Variants in TMOD1 observed in about 807,000 individuals in gnomAD.
TMOD1 encodes tropomodulin 1.
TMOD1 carries 17 observed loss-of-function variants against 40.6 expected under a neutral mutation model. That is an observed-to-expected ratio of 0.42 (90% confidence interval 0.29 to 0.63). The LOEUF (loss-of-function observed/expected upper bound fraction) is 0.63. Among genes scored for constraint, TMOD1 ranks in the 20% least tolerant of loss-of-function variants. The pLI is 0.22. For missense variants in TMOD1, 391 were observed against 447.6 expected (o/e 0.87, Z 1.14); for synonymous variants, 181 against 175.0 (o/e 1.03, Z -0.27).
chr9:97,563,928 G>C, intron 5 of TMOD1, 110 bp from the exon 6 acceptor site: 14 of 1,311,374 alleles, frequency 1.1e-5, no homozygotes, highest in Non-Finnish European at 1.1e-5. Context: ...GTGATGTGCA[G>C]CCCTCACGTG....
intron 8 of TMOD1, among the ~76,000 whole-genome samples, chr9:97,578,285 C>T (rs994143437): frequency 2.0e-5 from 3 of 152,178 alleles, no homozygotes; most frequent in Non-Finnish European, 4.4e-5. Flanking sequence ...GATCTCCTGA[C>T]CTCGTGATCC....
At chr9:97,528,665 A>G (rs1199274230) in intron 2 of TMOD1, among the ~76,000 whole-genome samples, 1 of 152,178 alleles carries the variant, frequency 6.6e-6, no homozygotes, top group Non-Finnish European at 1.5e-5. Context: ...CAGCACAGGG[A>G]GAGGCCAAAG....
chr9:97,554,173 T>G (rs750811744), intron 4 of TMOD1, among the ~76,000 whole-genome samples: 72 of 87,394 alleles, frequency 8.2e-4, no homozygotes, highest in Non-Finnish European at 1.2e-3. Context: ...ATAGCCCAGG[T>G]GATGGCAGGA....
intron 4 of TMOD1, among the ~76,000 whole-genome samples, chr9:97,559,016 C>T (rs1300380544): frequency 6.6e-6 from 1 of 152,214 alleles, no homozygotes; most frequent in African/African-American, 2.4e-5. Context: ...TAGACCATCA[C>T]AGGAAGCTGG....
rs1830774794 is a variant in TMOD1 at position 97,568,884 on chromosome 9, G to A, written c.727-10G>A. On this transcript the variant is annotated splice_polypyrimidine_tract_variant and intron_variant, in intron 7 of 9. Transcript: ENST00000259365. Reference sequence around the variant, plus strand: ...CTCATGGGTATCCTTGCTTTCTCTTGTGCTTCAAGGCCCTTGCTGAGATGC... The same window carrying A: ...CTCATGGGTATCCTTGCTTTCTCTTATGCTTCAAGGCCCTTGCTGAGATGC... The A allele has an allele frequency of 6.2e-7, 1 of 1,613,186 alleles. No individual in the cohort carries two copies. Among genetic ancestry groups the A allele is most frequent in the Non-Finnish European group, 8.5e-7 (1 of 1,179,214 alleles).
intron 1 of TMOD1, among the ~76,000 whole-genome samples, chr9:97,509,850 A>G (rs916997680): frequency 6.6e-6 from 1 of 151,834 alleles, no homozygotes; most frequent in Non-Finnish European, 1.5e-5. Context: ...TCCTTCCACA[A>G]TTTGCTTTTT....
chr9:97,562,792 G>T lies in TMOD1; in HGVS notation c.458G>T (p.Ser153Ile). The change falls in exon 5 of 10, where the codon AGC becomes ATC. Residue 153 changes from serine to isoleucine, a missense_variant. Coordinates refer to ENST00000259365, the MANE Select transcript of TMOD1 (RefSeq NM_003275.4). ...NQQYYQALSS[S>I]SIMNKEGLNS... ...CAGTACTACCAGGCCCTGAGCAGCA[G>T]CTCCATCATGAACAAGGAGGGGCTC... 6.3e-7 allele frequency: 1 copy of T among 1,585,886 alleles called. No homozygotes were observed. The highest frequency in any genetic ancestry group is 8.5e-7 in the Non-Finnish European group (1 of 1,169,626).
intron 1 of TMOD1, among the ~76,000 whole-genome samples, chr9:97,506,121 C>T (rs553722191): frequency 1.1e-4 from 17 of 152,168 alleles, no homozygotes; most frequent in African/African-American, 2.7e-4. Flanking sequence ...GCTGTTCTTT[C>T]GGCCTTCAGT....
chr9:97,561,335 G>A lies in TMOD1; in HGVS notation c.398-1397G>A, dbSNP rs193296572. ...AGGTGAATAAAATCTACTCCAGAGG[G>A]TTATTGGGCAGATCAAGGAGGGGAG... On this transcript the variant is annotated intron_variant, in intron 4 of 9. Coordinates refer to ENST00000259365, the MANE Select transcript of TMOD1 (RefSeq NM_003275.4). Among the ~76,000 whole-genome samples the A allele has an allele frequency of 8.3e-4, 126 of 152,300 alleles. 1 individual carries two copies. The highest frequency in any genetic ancestry group is 1.5e-3 in the Non-Finnish European group (102 of 68,022).
intron 2 of TMOD1, among the ~76,000 whole-genome samples, chr9:97,529,644 G>A (rs1830069716): frequency 6.6e-6 from 1 of 152,262 alleles, no homozygotes; most frequent in South Asian, 2.1e-4. Flanking sequence ...TGCTTCATGT[G>A]CTAAAAGTAT....
rs369576910 is a variant in TMOD1 at position 97,599,876 on chromosome 9, G to A, written c.*178G>A. 77 of 1,386,826 alleles carry A rather than the reference G, an allele frequency of 5.6e-5. 2 individuals carry two copies. The highest frequency in any genetic ancestry group is 4.3e-4 in the South Asian group (25 of 58,686). The allele number at this position is 1,386,826 out of a possible 1,614,324, so 85.9% of individuals were successfully genotyped here. On this transcript the variant is annotated 3_prime_UTR_variant, in exon 10 of 10. Transcript: ENST00000259365. ...GTAGTTGAAAATTTTATAAAATACC[G>A]TTAATGTGAAGTTTTTCTTTAGTCA...
intron 3 of TMOD1, among the ~76,000 whole-genome samples, chr9:97,547,226 C>G (rs1321047982): frequency 1.3e-5 from 2 of 151,784 alleles, no homozygotes; most frequent in Non-Finnish European, 2.9e-5. Flanking sequence ...CTCCAATATC[C>G]CCCTCATCCC....
At chr9:97,520,431 C>T (rs556596741) in intron 1 of TMOD1, among the ~76,000 whole-genome samples, 97 of 152,294 alleles carry the variant, frequency 6.4e-4, no homozygotes, top group Admixed American at 8.5e-4. Flanking sequence ...ACACTGTTTT[C>T]GCCTCCCTCC....
intron 9 of TMOD1, among the ~76,000 whole-genome samples, chr9:97,597,696 C>CAA (rs56273168): frequency 5.1e-4 from 36 of 70,000 alleles, no homozygotes; most frequent in Admixed American, 2.2e-3. Flanking sequence ...GACTCCGTCT[C>CAA]AAAAAAAAAA....
intron 8 of TMOD1, among the ~76,000 whole-genome samples, chr9:97,587,258 G>A (rs1825899476): frequency 6.6e-6 from 1 of 152,108 alleles, no homozygotes; most frequent in Non-Finnish European, 1.5e-5. Flanking sequence ...TAATTTCTCT[G>A]GGATAAATAC....
At chr9:97,510,924 T>G (rs573506369) in intron 1 of TMOD1, among the ~76,000 whole-genome samples, 1 of 152,140 alleles carries the variant, frequency 6.6e-6, no homozygotes, top group East Asian at 1.9e-4. Flanking sequence ...CAGCATGGTT[T>G]GAGGGCAGGT....
At chr9:97,533,017 C>T (rs1248847326) in intron 2 of TMOD1, among the ~76,000 whole-genome samples, 1 of 152,236 alleles carries the variant, frequency 6.6e-6, no homozygotes, top group East Asian at 1.9e-4. Context: ...TTCAGCTCCA[C>T]TAATTGTTGC....
intron 3 of TMOD1, among the ~76,000 whole-genome samples, chr9:97,551,626 T>C (rs1466524243): frequency 6.6e-6 from 1 of 152,218 alleles, no homozygotes; most frequent in East Asian, 1.9e-4. Flanking sequence ...TCAATAAGTA[T>C]GAGTGCTCTA....
intron 8 of TMOD1, among the ~76,000 whole-genome samples, chr9:97,581,550 G>T (rs953641634): frequency 6.6e-6 from 1 of 151,756 alleles, no homozygotes; most frequent in Non-Finnish European, 1.5e-5. Context: ...TCCAGTTCTA[G>T]ATCCCTGAGG....
Sources: gnomAD v4.1 joint callset for allele counts (sites outside exome capture counted in the v4.1 genomes callset) on GRCh38, gnomAD v4.1.1 for gene constraint, MANE v1.5 for transcripts, NCBI Gene and HGNC (gene_info 2026-07-23, HGNC 2026-07-21) for gene names.